Variants in PRELID2 observed in about 807,000 individuals in gnomAD.
PRELID2 encodes PRELI domain-containing protein 2.
PRELID2 carries 25 observed loss-of-function variants against 28.4 expected under a neutral mutation model. The ratio of observed to expected loss-of-function variants is 0.88; its 90% CI spans 0.64 to 1.23. The LOEUF is 1.23. Ranked by LOEUF, PRELID2 falls within the 50% of genes most tolerant of loss-of-function variation. The pLI is 0.00. For missense variants in PRELID2, 201 were observed against 214.4 expected, an observed-to-expected ratio of 0.94 and a Z score of 0.39; for synonymous variants, 76 against 71.6, an observed-to-expected ratio of 1.06 and a Z score of -0.31.
At chr5:145,417,959 C>G in the PRELID2 span, among the ~76,000 whole-genome samples, 1 of 151,786 alleles carries the variant, frequency 6.6e-6, no homozygotes, top group Non-Finnish European at 1.5e-5. Flanking sequence ...GTCAAATTAT[C>G]TTTGCAGATG....
At position 145,758,325 on chromosome 5, in the gene PRELID2, A is replaced by C. The variant is rs1386181953; in HGVS notation, c.*2211T>G. 6.6e-6 allele frequency among the ~76,000 whole-genome samples: 1 copy of C among 152,182 alleles called. No homozygotes were observed. ...TCTAATAAAAAAATTCCTGCTACAA[A>C]GATCCTTTCCAACCACAGAGATATT... is the stretch of plus-strand genomic sequence containing the variant. On this transcript the variant is annotated 3_prime_UTR_variant, in exon 7 of 7. Coordinates refer to ENST00000683046, the MANE Select transcript of PRELID2 (RefSeq NM_205846.3).
chr5:145,354,719 G>A, the PRELID2 span, among the ~76,000 whole-genome samples: 1 of 152,204 alleles, frequency 6.6e-6, no homozygotes, highest in South Asian at 2.1e-4. Flanking sequence ...GAGTAAACTT[G>A]TCCCAAAGTA....
At chr5:145,398,503 A>T in the PRELID2 span, among the ~76,000 whole-genome samples, 1 of 151,938 alleles carries the variant, frequency 6.6e-6, no homozygotes, top group Admixed American at 6.6e-5. Context: ...CCCTCTGCAT[A>T]CCAGTTTTCC....
chr5:145,592,167 A>C (rs1247061888), intron 1 of PRELID2, among the ~76,000 whole-genome samples: 1 of 152,202 alleles, frequency 6.6e-6, no homozygotes, highest in African/African-American at 2.4e-5. Context: ...CTGTAATCCC[A>C]CCACTTTGGG....
At chr5:145,789,884 GA>G (rs908062303) in intron 5 of PRELID2, among the ~76,000 whole-genome samples, 11 of 151,892 alleles carry the variant, frequency 7.2e-5, no homozygotes, top group Non-Finnish European at 1.6e-4. Context: ...ACAGGTATAT[GA>G]AAAAAAGAAG....
chr5:145,333,010 T>G, the PRELID2 span, among the ~76,000 whole-genome samples: 11 of 152,332 alleles, frequency 7.2e-5, no homozygotes, highest in East Asian at 1.9e-3. Flanking sequence ...TAGTTTTCCT[T>G]CTAACAGTCA....
At chr5:145,422,875 G>A in the PRELID2 span, among the ~76,000 whole-genome samples, 136 of 151,990 alleles carry the variant, frequency 8.9e-4, no homozygotes, top group African/African-American at 2.9e-3. Flanking sequence ...GGCTGGTACC[G>A]GTTGTTCCTT....
At chr5:145,356,510 T>C in the PRELID2 span, among the ~76,000 whole-genome samples, 2 of 152,122 alleles carry the variant, frequency 1.3e-5, no homozygotes, top group Non-Finnish European at 2.9e-5. Flanking sequence ...TTGAACACTT[T>C]TTTATTCTGT....
At chr5:145,586,088 A>C (rs892001462) in intron 1 of PRELID2, among the ~76,000 whole-genome samples, 7 of 152,118 alleles carry the variant, frequency 4.6e-5, no homozygotes, top group African/African-American at 1.7e-4. Flanking sequence ...GTTGATCCAC[A>C]AAAGCAGATT....
intron 1 of PRELID2, among the ~76,000 whole-genome samples, chr5:145,549,064 C>A (rs1479756087): frequency 6.6e-6 from 1 of 152,174 alleles, no homozygotes; most frequent in Non-Finnish European, 1.5e-5. Context: ...AGGTTGCAGC[C>A]TAATGCTCAT....
At chr5:145,476,659 AAT>A (rs906351382) in intron 1 of PRELID2, among the ~76,000 whole-genome samples, 37 of 152,044 alleles carry the variant, frequency 2.4e-4, no homozygotes, top group African/African-American at 8.5e-4. Context: ...ATCTTAAAAA[AAT>A]AAAAATTTAT....
chr5:145,616,914 C>A (rs1231515066), intron 1 of PRELID2, among the ~76,000 whole-genome samples: 1 of 152,016 alleles, frequency 6.6e-6, no homozygotes, highest in African/African-American at 2.4e-5. Flanking sequence ...CAGCTTTGAC[C>A]ATAAAAGACG....
rs118003481 is a variant in PRELID2 at position 145,620,427 on chromosome 5, C to T, written n.70+144504G>A. Among the ~76,000 whole-genome samples the T allele has an allele frequency of 5.1e-4, 78 of 152,290 alleles. No homozygotes were observed. In the East Asian group the frequency reaches 0.013, roughly 26 times the overall value. ...CTGATAATGATGATCCATGTAGATT[C>T]ACCAACTGTTAGAAAGGTAGCACTT... On this transcript the variant is annotated intron_variant and non_coding_transcript_variant, in intron 1 of 2. Coordinates refer to the PRELID2 transcript ENST00000510259.
rs1754485261 is a variant in PRELID2, at chr5:145,817,948, T to C, written c.314A>G (p.Tyr105Cys). Residue 105 changes from tyrosine to cysteine, a missense_variant, in exon 4 of 7, where the codon TAT becomes TGT. By Grantham distance (194) the Tyr-to-Cys change is radical. Transcript: ENST00000683046. ...GACAGACTCTTCCTTCATGGATGCA[T>C]ACTGTGTCCACGTAAGGCAGTGACT... ...IRSHCLTWTQ[Y>C]ASMKEESVFR... 3.8e-6 allele frequency: 6 copies of C among 1,599,030 alleles called. No homozygotes were observed. The highest frequency in any genetic ancestry group is 1.7e-4 in the Middle Eastern group (1 of 5,962).
At chr5:145,275,345 C>T in the PRELID2 span, among the ~76,000 whole-genome samples, 4 of 151,928 alleles carry the variant, frequency 2.6e-5, no homozygotes, top group African/African-American at 7.3e-5. Flanking sequence ...ATTAATCACC[C>T]CTGTGAGACA....
At chr5:145,305,997 G>T in the PRELID2 span, among the ~76,000 whole-genome samples, 1 of 152,136 alleles carries the variant, frequency 6.6e-6, no homozygotes, top group Admixed American at 6.6e-5. Context: ...TAGTGAACTT[G>T]CTAAAGCCTT....
At chr5:145,405,707 T>G in the PRELID2 span, among the ~76,000 whole-genome samples, 2 of 145,878 alleles carry the variant, frequency 1.4e-5, no homozygotes, top group South Asian at 4.6e-4. Context: ...TAGTTGTTTT[T>G]TTTTTTTTTT....
the PRELID2 span, among the ~76,000 whole-genome samples, chr5:145,323,367 A>G: frequency 3.9e-5 from 6 of 152,218 alleles, no homozygotes; most frequent in Non-Finnish European, 2.9e-5. Flanking sequence ...TACAAGTCCA[A>G]TGAGAAGCCA....
chr5:145,781,681 T>G (rs1400209346), intron 5 of PRELID2, among the ~76,000 whole-genome samples: 2 of 147,034 alleles, frequency 1.4e-5, no homozygotes, highest in African/African-American at 5.0e-5. Flanking sequence ...TACACTTATA[T>G]ATATACACTA....
Sources: gnomAD v4.1 joint callset for allele counts (sites outside exome capture counted in the v4.1 genomes callset) on GRCh38, gnomAD v4.1.1 for gene constraint, MANE v1.5 for transcripts, NCBI Gene and HGNC (gene_info 2026-07-23, HGNC 2026-07-21) for gene names.